CDK6: variants seen among roughly 807,000 people sequenced by gnomAD.
CDK6 encodes cyclin-dependent kinase 6.
Under a neutral mutation model 37.1 loss-of-function variants are expected in CDK6, and 6 were observed. The ratio of observed to expected loss-of-function variants is 0.16; its 90% confidence interval spans 0.09 to 0.32. CDK6 has a LOEUF of 0.32. Among genes scored for constraint, CDK6 ranks in the 10% least tolerant of loss-of-function variants. The pLI is 1.00. For synonymous variants in CDK6, 160 were observed against 161.3 expected, an observed-to-expected ratio of 0.99 and a Z score of 0.06; for missense variants, 224 against 418.9, an observed-to-expected ratio of 0.53 and a Z score of 4.06.
In CDK6 at chr7:92,681,500, C is replaced by T. The variant is rs1168531611; in HGVS notation, c.538-9965G>A. Among the ~76,000 whole-genome samples the T allele has an allele frequency of 4.6e-5, 7 of 152,206 alleles. No individual in the cohort carries two copies. The East Asian group carries it at 7.7e-4, about 17-fold the overall frequency. ...ATCTATGTCTAAGCAGATCTACCTA[C>T]AAAAGGCCTAGACAGCAAGCCTTTA... On this transcript the variant is annotated intron_variant, in intron 4 of 7. Transcript: ENST00000424848.
rs36227867 is a variant in CDK6 at position 92,835,337 on chromosome 7, CCACCCCCG to C, written c.-368+1133_-368+1140del. 2,492 of 151,476 alleles carry C rather than the reference CCACCCCCG, an allele frequency of 0.016. 116 individuals are homozygous for C. In the South Asian group the frequency reaches 0.18, roughly 11 times the overall value. 9.4% of individuals were successfully genotyped at this position (151,476 alleles called of 1,614,324 possible). A position where few individuals can be genotyped will look rare whatever the true frequency, so the allele number is the denominator to read the frequency against. ...CAGCGAAGGAAGCGTCGGGGACGTCCCACCCCCGCAGGGAACTGCGCCTGCTGCCCCCG... is the reference window on the plus strand; with the variant it reads ...CAGCGAAGGAAGCGTCGGGGACGTCCCAGGGAACTGCGCCTGCTGCCCCCG... On this transcript the variant is annotated intron_variant, in intron 1 of 7. Coordinates refer to ENST00000424848, the MANE Select transcript of CDK6 (RefSeq NM_001145306.2). The surrounding 1 kb of genome is among the most constrained non-coding windows in gnomAD (Gnocchi z 4.2).
At chr7:92,773,128 A>G (rs1440578172) in intron 3 of CDK6, among the ~76,000 whole-genome samples, 1 of 152,238 alleles carries the variant, frequency 6.6e-6, no homozygotes, top group Non-Finnish European at 1.5e-5. Context: ...CTATGTGTAT[A>G]AATCATTGTG....
chr7:92,808,419 G>A (rs1173071338), intron 2 of CDK6, among the ~76,000 whole-genome samples: 2 of 152,132 alleles, frequency 1.3e-5, no homozygotes, highest in African/African-American at 4.8e-5. Flanking sequence ...AGGTATAGTC[G>A]GCCAAATAGT....
chr7:92,797,313 G>T (rs1056648585), intron 2 of CDK6, among the ~76,000 whole-genome samples: 2 of 152,148 alleles, frequency 1.3e-5, no homozygotes, highest in Admixed American at 1.3e-4. Context: ...AGACAAGCAT[G>T]CAAGGGAGAC....
At chr7:92,801,900 G>A (rs1243376469) in intron 2 of CDK6, among the ~76,000 whole-genome samples, 2 of 151,818 alleles carry the variant, frequency 1.3e-5, no homozygotes, top group Non-Finnish European at 2.9e-5. Context: ...TGAGATTACA[G>A]GTGTGAGCTG....
intron 5 of CDK6, 99 bp from the exon 6 acceptor site, chr7:92,623,185 T>C (rs1795843635): frequency 2.4e-6 from 2 of 822,470 alleles, no homozygotes; most frequent in Non-Finnish European, 3.9e-6. Flanking sequence ...AAAATATTCT[T>C]TATGGGTTGG....
intron 2 of CDK6, among the ~76,000 whole-genome samples, chr7:92,827,810 A>C (rs1801364241): frequency 1.3e-5 from 2 of 152,180 alleles, no homozygotes; most frequent in South Asian, 4.1e-4. Flanking sequence ...GCTCACAATT[A>C]ATTTACTTCC....
chr7:92,751,237 A>G (rs987631344), intron 3 of CDK6, among the ~76,000 whole-genome samples: 1 of 152,212 alleles, frequency 6.6e-6, no homozygotes, highest in Non-Finnish European at 1.5e-5. Context: ...TTGTCACACA[A>G]GAAAAACTGC....
intron 3 of CDK6, among the ~76,000 whole-genome samples, chr7:92,757,115 A>T (rs1037744788): frequency 3.9e-5 from 6 of 152,182 alleles, no homozygotes; most frequent in Non-Finnish European, 4.4e-5. Context: ...GTCTTTAAGG[A>T]TCTGTGCTTT....
At chr7:92,750,992 T>C (rs987662725) in intron 3 of CDK6, among the ~76,000 whole-genome samples, 1 of 152,198 alleles carries the variant, frequency 6.6e-6, no homozygotes, top group Non-Finnish European at 1.5e-5. Flanking sequence ...TCATATTTGA[T>C]CATTACAAGA....
chr7:92,647,334 C>T (rs1483609859), intron 5 of CDK6, among the ~76,000 whole-genome samples: 2 of 152,036 alleles, frequency 1.3e-5, no homozygotes, highest in African/African-American at 4.8e-5. Flanking sequence ...GAGTGAATAC[C>T]CGAAGGTACT....
At chr7:92,825,134 T>C (rs1276408549) in intron 2 of CDK6, among the ~76,000 whole-genome samples, 1 of 152,076 alleles carries the variant, frequency 6.6e-6, no homozygotes, top group African/African-American at 2.4e-5. Context: ...CCACATACCA[T>C]TTTTTGGGTA....
At chr7:92,734,226 T>C (rs1027653732) in intron 3 of CDK6, among the ~76,000 whole-genome samples, 1 of 152,216 alleles carries the variant, frequency 6.6e-6, no homozygotes. Flanking sequence ...ATACAATTCC[T>C]ACACCTCTGA....
chr7:92,819,448 T>A (rs1179713215), intron 2 of CDK6, among the ~76,000 whole-genome samples: 8 of 152,062 alleles, frequency 5.3e-5, no homozygotes, highest in African/African-American at 1.9e-4. Context: ...ATATTGATTG[T>A]GGTGGTGGTT....
intron 2 of CDK6, among the ~76,000 whole-genome samples, chr7:92,817,575 C>A (rs1230419440): frequency 6.6e-6 from 1 of 151,756 alleles, no homozygotes; most frequent in Non-Finnish European, 1.5e-5. Context: ...TAGTTTTCTC[C>A]TTATTATTGG....
rs969656202 is a variant in CDK6 at position 92,615,218 on chromosome 7, C to G, written c.903G>C (p.Gln301His). Residue 301 changes from glutamine to histidine, a missense_variant, in exon 8 of 8, where the codon CAG (glutamine) becomes CAC (histidine). By Grantham distance (24) the Gln-to-His change is conservative (BLOSUM62 0). Around this residue, in one of 5 missense-constraint regions of CDK6, gnomAD observed 90 missense variants for 136.2 expected, o/e 0.66. Transcript: ENST00000424848. ...AYSALSHPYF[Q>H]DLERCKENLD... The stretch of plus-strand genomic sequence containing the variant: ...GGTTTTCTTTGCACCTTTCCAGGTC[C>G]TGGAAGTATGGGTGAGACAGGGCAC... 1.9e-6 allele frequency: 3 copies of G among 1,614,034 alleles called. No individual in the cohort carries two copies. In the African/African-American group the frequency reaches 4.0e-5, roughly 22 times the overall value.
intron 4 of CDK6, among the ~76,000 whole-genome samples, chr7:92,693,186 A>G (rs1421688383): frequency 6.6e-6 from 1 of 152,204 alleles, no homozygotes; most frequent in Non-Finnish European, 1.5e-5. Context: ...TCTTTTGTTT[A>G]CCTGTGAACC....
At chr7:92,641,348 T>C (rs140672681) in intron 5 of CDK6, among the ~76,000 whole-genome samples, 189 of 152,326 alleles carry the variant, frequency 1.2e-3, no homozygotes, top group African/African-American at 4.1e-3. Flanking sequence ...ACTTTATTTA[T>C]ATCAGCATGG....
intron 4 of CDK6, among the ~76,000 whole-genome samples, chr7:92,712,875 T>TA (rs1441213251): frequency 8.0e-5 from 12 of 149,164 alleles, no homozygotes; most frequent in African/African-American, 2.3e-4. Context: ...TGTATGTATG[T>TA]ATGTATTTAT....
Sources: allele counts gnomAD v4.1 joint callset (sites outside exome capture counted in the v4.1 genomes callset), GRCh38; gene constraint gnomAD v4.1.1; regional missense constraint gnomAD v4.1.1; non-coding constraint Gnocchi (gnomAD v3.1); transcripts MANE v1.5; gene names NCBI Gene and HGNC (gene_info 2026-07-23, HGNC 2026-07-21).